The following ANGPT1 variants were observed in gnomAD, a reference collection of about 807,000 sequenced individuals.
ANGPT1 encodes the protein angiopoietin 1, also known as angiopoietin-1.
ANGPT1 carries 17 observed loss-of-function variants against 62.2 expected under a neutral mutation model. The ratio of observed to expected loss-of-function variants is 0.27; its 90% CI spans 0.19 to 0.41. ANGPT1 has a LOEUF of 0.41. Among genes scored for constraint, ANGPT1 ranks in the 10% least tolerant of loss-of-function variants. The pLI is 1.00. For synonymous variants in ANGPT1, 199 were observed against 198.9 expected, an observed-to-expected ratio of 1.00 and a Z score of 0.00; for missense variants, 478 against 594.9, an observed-to-expected ratio of 0.80 and a Z score of 2.04.
chr8:107,423,493 T>C (rs916358547), intron 1 of ANGPT1, among the ~76,000 whole-genome samples: 12 of 152,300 alleles, frequency 7.9e-5, no homozygotes, highest in Admixed American at 7.2e-4. Context: ...CAGCGTCTTG[T>C]GGGATTAGCT....
intron 1 of ANGPT1, among the ~76,000 whole-genome samples, chr8:107,386,012 A>G (rs1221415780): frequency 6.6e-6 from 1 of 151,984 alleles, no homozygotes; most frequent in Non-Finnish European, 1.5e-5. Context: ...TTAACGGTGG[A>G]CTGAATAAAG....
intron 5 of ANGPT1, among the ~76,000 whole-genome samples, chr8:107,302,206 T>C (rs530382979): frequency 6.6e-6 from 1 of 151,848 alleles, no homozygotes; most frequent in Non-Finnish European, 1.5e-5. Context: ...TAAAGTTGCC[T>C]GAGGGAATCA....
chr8:107,261,680 G>A (rs1214672457), intron 8 of ANGPT1, among the ~76,000 whole-genome samples: 14 of 151,284 alleles, frequency 9.3e-5, no homozygotes, highest in Non-Finnish European at 1.2e-4. Context: ...ACTCCAGCCT[G>A]GGTGACAGAG....
At chr8:107,273,253 G>C (rs912721794) in intron 7 of ANGPT1, among the ~76,000 whole-genome samples, 1 of 151,990 alleles carries the variant, frequency 6.6e-6, no homozygotes, top group Admixed American at 6.6e-5. Context: ...ATTCCCTTGG[G>C]GTAGATAGAG....
intron 1 of ANGPT1, among the ~76,000 whole-genome samples, chr8:107,491,476 G>A (rs953522657): frequency 3.3e-5 from 5 of 152,222 alleles, no homozygotes; most frequent in Non-Finnish European, 2.9e-5. Flanking sequence ...TTAGTAAAGT[G>A]GGGAAGGTGG....
chr8:107,283,195 A>G (rs1029728224), intron 7 of ANGPT1, among the ~76,000 whole-genome samples: 1 of 152,178 alleles, frequency 6.6e-6, no homozygotes, highest in African/African-American at 2.4e-5. Context: ...TTTACATAAG[A>G]GTATCCCTGA....
intron 4 of ANGPT1, among the ~76,000 whole-genome samples, chr8:107,311,165 G>A (rs376166443): frequency 5.3e-5 from 8 of 151,390 alleles, no homozygotes; most frequent in African/African-American, 2.0e-4. Flanking sequence ...GAAAGTACGT[G>A]TGTATGTGTG....
chr8:107,257,876 GTTTCT>G (rs1813397824), intron 8 of ANGPT1, among the ~76,000 whole-genome samples: 1 of 85,260 alleles, frequency 1.2e-5, no homozygotes, highest in Non-Finnish European at 2.3e-5. Context: ...ACTTGTTTTT[GTTTCT>G]TTTTTGTTTG....
rs59247214 is a variant in ANGPT1, at chr8:107,299,391, G to GTATATATATA, written c.936+3839_936+3848dup. Among the ~76,000 whole-genome samples the GTATATATATA allele has an allele frequency of 5.9e-3, 664 of 112,522 alleles. 8 individuals are homozygous for GTATATATATA. Among genetic ancestry groups the GTATATATATA allele is most frequent in the East Asian group, 0.047 (142 of 3,010 alleles). The allele number at this position is 112,522 out of a possible 152,430, so 73.8% of individuals were successfully genotyped here. A position where few individuals can be genotyped will look rare whatever the true frequency, so the allele number is the denominator to read the frequency against. On this transcript the variant is annotated intron_variant, in intron 5 of 8. Transcript: ENST00000517746. ...TGTTGAAAAGAGTAAATGAAGGAGT[G>GTATATATATA]TATATATATATATATATATATATAT... is the stretch of plus-strand genomic sequence containing the variant.
intron 1 of ANGPT1, among the ~76,000 whole-genome samples, chr8:107,474,018 G>T (rs1016870724): frequency 5.3e-5 from 8 of 152,104 alleles, no homozygotes. Flanking sequence ...ACAAGGAGGA[G>T]CTGGGACCAT....
At chr8:107,365,856 AACACACAC>A (rs10627552) in intron 1 of ANGPT1, among the ~76,000 whole-genome samples, 10 of 147,188 alleles carry the variant, frequency 6.8e-5, no homozygotes, top group Admixed American at 1.4e-4. Context: ...AAACAAATAC[AACACACAC>A]ACACACACAC....
chr8:107,290,131 G>T (rs983255530), intron 6 of ANGPT1, among the ~76,000 whole-genome samples: 12 of 152,102 alleles, frequency 7.9e-5, no homozygotes, highest in African/African-American at 2.9e-4. Context: ...AATCCAAAAA[G>T]TGGTAAACCT....
At chr8:107,371,686 C>T (rs1816418531) in intron 1 of ANGPT1, among the ~76,000 whole-genome samples, 1 of 151,048 alleles carries the variant, frequency 6.6e-6, no homozygotes, top group African/African-American at 2.4e-5. Flanking sequence ...AAGTGATTCT[C>T]CAGCCTCAAC....
At chr8:107,405,100 T>C (rs890893965) in intron 1 of ANGPT1, among the ~76,000 whole-genome samples, 7 of 151,946 alleles carry the variant, frequency 4.6e-5, no homozygotes, top group African/African-American at 1.7e-4. Flanking sequence ...TAAATGCCAG[T>C]ACATATCAAG....
At chr8:107,483,080 T>G (rs2130525088) in intron 1 of ANGPT1, among the ~76,000 whole-genome samples, 3 of 152,298 alleles carry the variant, frequency 2.0e-5, no homozygotes, top group Middle Eastern at 6.8e-3. Context: ...TTTAGTTGTT[T>G]ATGATATCTT....
intron 7 of ANGPT1, among the ~76,000 whole-genome samples, chr8:107,282,909 G>A (rs1446982336): frequency 3.3e-5 from 5 of 151,720 alleles, no homozygotes; most frequent in South Asian, 2.1e-4. Context: ...CATACACTCC[G>A]AAGTGCACCA....
chr8:107,362,564 A>G lies in ANGPT1; in HGVS notation c.298-15467T>C, dbSNP rs554727529. On this transcript the variant is annotated intron_variant, in intron 1 of 8. Coordinates refer to ENST00000517746, the MANE Select transcript of ANGPT1 (RefSeq NM_001146.5). ...TTCATAGCTTTAATATTAAAATTGT[A>G]TCATCATCATTATCTCCAGGAAACC... Among the ~76,000 whole-genome samples the G allele has an allele frequency of 5.4e-4, 82 of 152,218 alleles. 2 individuals are homozygous for G. In the South Asian group the frequency reaches 0.016, roughly 30 times the overall value.
At chr8:107,407,136 C>T (rs1817164915) in intron 1 of ANGPT1, among the ~76,000 whole-genome samples, 1 of 152,116 alleles carries the variant, frequency 6.6e-6, no homozygotes, top group South Asian at 2.1e-4. Context: ...TTGACCCAAA[C>T]CATGCATATG....
chr8:107,251,718 G>T lies in ANGPT1; in HGVS notation c.*137C>A. On this transcript the variant is annotated 3_prime_UTR_variant, in exon 9 of 9. Transcript: ENST00000517746. ...CTCCAGATTCACGGTCAAGAACCTTGGTGACTTCACATAACTACCACTTAT... is the reference window on the plus strand; with the variant it reads ...CTCCAGATTCACGGTCAAGAACCTTTGTGACTTCACATAACTACCACTTAT... 1.8e-6 allele frequency: 2 copies of T among 1,090,982 alleles called. No homozygotes were observed. Among genetic ancestry groups the T allele is most frequent in the Non-Finnish European group, 2.6e-6 (2 of 773,030 alleles). 67.6% of individuals were successfully genotyped at this position (1,090,982 alleles called of 1,614,324 possible).
Sources: allele counts gnomAD v4.1 joint callset (sites outside exome capture counted in the v4.1 genomes callset), GRCh38; gene constraint gnomAD v4.1.1; transcripts MANE v1.5; gene names NCBI Gene and HGNC (gene_info 2026-07-23, HGNC 2026-07-21).